KIAA1958: variants seen among roughly 807,000 people sequenced by gnomAD.
KIAA1958 encodes the protein uncharacterized protein KIAA1958.
Under a neutral mutation model 47.2 loss-of-function variants are expected in KIAA1958, and 14 were observed. The ratio of observed to expected loss-of-function variants is 0.30; its 90% CI spans 0.20 to 0.46. The LOEUF (loss-of-function observed/expected upper bound fraction) is 0.46, where lower values mean the gene tolerates loss of function less well. KIAA1958 is among the 20% of genes least tolerant of loss of function. The pLI, the probability that KIAA1958 is intolerant of heterozygous loss-of-function variation, is 1.00. For synonymous variants in KIAA1958, 354 were observed against 353.3 expected (o/e 1.00, Z -0.02); for missense variants, 803 against 909.2 (o/e 0.88, Z 1.50).
intron 1 of KIAA1958, among the ~76,000 whole-genome samples, chr9:112,510,028 G>A (rs1834296939): frequency 6.6e-6 from 1 of 152,142 alleles, no homozygotes. Context: ...CCATCTGAGT[G>A]CTAAAGGAAG....
At chr9:112,594,871 TCCACA>T (rs1280073868) in intron 2 of KIAA1958, among the ~76,000 whole-genome samples, 1 of 152,232 alleles carries the variant, frequency 6.6e-6, no homozygotes, top group Non-Finnish European at 1.5e-5. Flanking sequence ...GTCCAGTTTC[TCCACA>T]TCCCTGCCAA....
intron 1 of KIAA1958, among the ~76,000 whole-genome samples, chr9:112,535,446 T>C (rs1020297275): frequency 6.6e-6 from 1 of 152,218 alleles, no homozygotes; most frequent in Non-Finnish European, 1.5e-5. Context: ...TAGCAGTCCA[T>C]TGTATAAATA....
intron 2 of KIAA1958, among the ~76,000 whole-genome samples, chr9:112,580,536 C>G (rs919402492): frequency 6.6e-6 from 1 of 152,102 alleles, no homozygotes; most frequent in Non-Finnish European, 1.5e-5. Flanking sequence ...CCTGTAATCC[C>G]AACACTTTGG....
chr9:112,520,533 G>A (rs746659329), intron 1 of KIAA1958, among the ~76,000 whole-genome samples: 36 of 152,246 alleles, frequency 2.4e-4, no homozygotes, highest in Non-Finnish European at 4.1e-4. Flanking sequence ...ACTATAGATA[G>A]GAGAGTGGCA....
chr9:112,522,705 C>G (rs924093789), intron 1 of KIAA1958, among the ~76,000 whole-genome samples: 5 of 152,194 alleles, frequency 3.3e-5, no homozygotes, highest in African/African-American at 7.2e-5. Flanking sequence ...ATTTATGGCT[C>G]CATCCTTGGT....
chr9:112,530,618 T>C (rs936787980), intron 1 of KIAA1958, among the ~76,000 whole-genome samples: 1 of 152,240 alleles, frequency 6.6e-6, no homozygotes, highest in African/African-American at 2.4e-5. Context: ...TGAATGAATA[T>C]TGTATTTATG....
rs1835612899 is a variant in KIAA1958 at position 112,574,863 on chromosome 9, C to T, written c.783C>T (p.Ser261=). The T allele has an allele frequency of 1.2e-6, 2 of 1,614,030 alleles. No homozygotes were observed. The highest frequency in any genetic ancestry group is 1.7e-6 in the Non-Finnish European group (2 of 1,180,028). ...KLIPHVTSAI[S]TELDPHGMSA... ...TTCCCCATGTCACATCTGCCATCAG[C>T]ACGGAGCTAGACCCACACGGTATGT... Residue 261 remains serine, a synonymous_variant, in exon 2 of 4, where the codon AGC becomes AGT. Transcript: ENST00000337530.
chr9:112,607,851 A>C (rs1054411913), intron 2 of KIAA1958, among the ~76,000 whole-genome samples: 3 of 152,096 alleles, frequency 2.0e-5, no homozygotes, highest in African/African-American at 7.2e-5. Flanking sequence ...TCTAAAAGAC[A>C]GCTGAACAAT....
rs773021225 is a variant in KIAA1958, at chr9:112,575,085, G to T, written c.1005G>T (p.Glu335Asp). The T allele has an allele frequency of 1.4e-5, 22 of 1,612,556 alleles. No homozygotes were observed. The highest frequency in any genetic ancestry group is 3.3e-5 in the Admixed American group (2 of 60,016). Residue 335 changes from glutamate to aspartate, a missense_variant, in exon 2 of 4, where the codon GAG becomes GAT. Around this residue, in one of 2 missense-constraint regions of KIAA1958, gnomAD observed 761 missense variants for 829.3 expected, o/e 0.92. Coordinates refer to ENST00000337530, the MANE Select transcript of KIAA1958 (RefSeq NM_133465.4). ...LSALQLPGQDEQVASEEFLSH... is the reference protein window; with the variant it reads ...LSALQLPGQDDQVASEEFLSH... ...CCCTGCAGCTGCCTGGACAGGATGA[G>T]CAAGTTGCCTCTGAAGAGTTCCTGT...
chr9:112,595,435 T>G (rs894709586), intron 2 of KIAA1958, among the ~76,000 whole-genome samples: 3 of 152,028 alleles, frequency 2.0e-5, no homozygotes, highest in Non-Finnish European at 2.9e-5. Flanking sequence ...CCAAGGTGGG[T>G]GGATCACCTG....
chr9:112,640,743 G>T (rs1368987644), intron 2 of KIAA1958, among the ~76,000 whole-genome samples: 1 of 152,138 alleles, frequency 6.6e-6, no homozygotes, highest in Non-Finnish European at 1.5e-5. Context: ...TCATTTGATT[G>T]TGTTCCAGTG....
chr9:112,494,941 A>G (rs560773131), intron 1 of KIAA1958, among the ~76,000 whole-genome samples: 1 of 152,006 alleles, frequency 6.6e-6, no homozygotes, highest in Admixed American at 6.5e-5. Context: ...CATAGCTTCT[A>G]TCATTTAAAA....
rs569550742 is a variant in KIAA1958, at chr9:112,643,847, C to T, written c.1172-1803C>T. On this transcript the variant is annotated intron_variant, in intron 2 of 3. Coordinates refer to ENST00000337530, the MANE Select transcript of KIAA1958 (RefSeq NM_133465.4). The stretch of plus-strand genomic sequence containing the variant: ...GGAAAGGTTATGTAAAAGTGGATTT[C>T]GAATTGAAAAAAAAGACGGTATTTT... Among the ~76,000 whole-genome samples the T allele has an allele frequency of 1.1e-4, 17 of 151,784 alleles. No homozygotes were observed. The East Asian group carries it at 2.1e-3, about 19-fold the overall frequency.
At chr9:112,629,198 G>A (rs546004835) in intron 2 of KIAA1958, among the ~76,000 whole-genome samples, 1 of 152,078 alleles carries the variant, frequency 6.6e-6, no homozygotes, top group African/African-American at 2.4e-5. Context: ...GCATCTGCTT[G>A]GAAATACAAT....
chr9:112,636,983 G>A (rs1380893838), intron 2 of KIAA1958, among the ~76,000 whole-genome samples: 2 of 151,988 alleles, frequency 1.3e-5, no homozygotes, highest in East Asian at 1.9e-4. Context: ...TAACTTATAA[G>A]TTATACATTA....
At chr9:112,586,898 G>A (rs1463778924) in intron 2 of KIAA1958, among the ~76,000 whole-genome samples, 1 of 152,190 alleles carries the variant, frequency 6.6e-6, no homozygotes, top group Non-Finnish European at 1.5e-5. Flanking sequence ...TCAGGGCACT[G>A]AGGCCTTAGC....
chr9:112,496,050 A>G (rs1834046974), intron 1 of KIAA1958, among the ~76,000 whole-genome samples: 1 of 152,206 alleles, frequency 6.6e-6, no homozygotes, highest in African/African-American at 2.4e-5. Flanking sequence ...AAAAGTAGCC[A>G]TGTGAACAAG....
At chr9:112,594,090 G>T (rs1030041789) in intron 2 of KIAA1958, among the ~76,000 whole-genome samples, 12 of 152,038 alleles carry the variant, frequency 7.9e-5, no homozygotes, top group African/African-American at 2.7e-4. Context: ...GTCTCAAACT[G>T]CTGGCTTCCA....
chr9:112,575,939 C>T (rs1287690185), intron 2 of KIAA1958, among the ~76,000 whole-genome samples: 1 of 152,140 alleles, frequency 6.6e-6, no homozygotes, highest in Non-Finnish European at 1.5e-5. Flanking sequence ...TTTATTTAAT[C>T]TGGGCCATTA....
Sources: gnomAD v4.1 joint callset for allele counts (sites outside exome capture counted in the v4.1 genomes callset) on GRCh38, gnomAD v4.1.1 for gene constraint, gnomAD v4.1.1 regional missense constraint, MANE v1.5 for transcripts, NCBI Gene and HGNC (gene_info 2026-07-23, HGNC 2026-07-21) for gene names.